The following NKAIN2 variants were observed in gnomAD, a reference collection of about 807,000 sequenced individuals.
The protein encoded by NKAIN2 is sodium/potassium transporting ATPase interacting 2.
A neutral mutation model predicts 32.6 loss-of-function variants in NKAIN2; 14 were observed. The ratio of observed to expected loss-of-function variants is 0.43; its 90% confidence interval spans 0.28 to 0.67. The LOEUF (loss-of-function observed/expected upper bound fraction) is 0.67. NKAIN2 is among the 30% of genes least tolerant of loss of function. NKAIN2 has a pLI of 0.17. For synonymous variants in NKAIN2, 80 were observed against 87.2 expected (o/e 0.92, Z 0.46); for missense variants, 198 against 258.3 (o/e 0.77, Z 1.60).
chr6:124,243,921 CTTG>C lies in NKAIN2; in HGVS notation c.55-39078_55-39076del, dbSNP rs200453417. On this transcript the variant is annotated intron_variant, in intron 1 of 6. Coordinates refer to ENST00000368417, the MANE Select transcript of NKAIN2 (RefSeq NM_001040214.3). ...AAAATATTATGAGTCTTTTGTATAT[CTTG>C]TTGTTTATAATGACAATAATTTGAG... 8.7e-3 allele frequency among the ~76,000 whole-genome samples: 1,326 copies of C among 152,028 alleles called. 17 individuals are homozygous for C. Among genetic ancestry groups the C allele is most frequent in the African/African-American group, 0.03 (1,257 of 41,486 alleles).
At chr6:124,742,740 C>G (rs1466833799) in intron 4 of NKAIN2, among the ~76,000 whole-genome samples, 1 of 151,646 alleles carries the variant, frequency 6.6e-6, no homozygotes, top group Non-Finnish European at 1.5e-5. Context: ...ACTGTGGATC[C>G]CAGGTGAGTC....
At chr6:124,393,088 A>C (rs1366817423) in intron 3 of NKAIN2, among the ~76,000 whole-genome samples, 1 of 152,160 alleles carries the variant, frequency 6.6e-6, no homozygotes, top group Non-Finnish European at 1.5e-5. Flanking sequence ...TTGTTATATA[A>C]GTAAAATCAA....
intron 3 of NKAIN2, among the ~76,000 whole-genome samples, chr6:124,573,148 A>AT (rs1449547254): frequency 6.6e-6 from 1 of 152,122 alleles, no homozygotes; most frequent in Non-Finnish European, 1.5e-5. Flanking sequence ...CCAAAAAGTT[A>AT]TTTTTGAACT....
At chr6:123,917,053 C>T (rs909969963) in intron 1 of NKAIN2, among the ~76,000 whole-genome samples, 1 of 152,116 alleles carries the variant, frequency 6.6e-6, no homozygotes, top group Non-Finnish European at 1.5e-5. Flanking sequence ...AAGATAGGCG[C>T]ACCACCATAA....
At chr6:124,005,792 G>C (rs1382502449) in intron 1 of NKAIN2, among the ~76,000 whole-genome samples, 1 of 152,146 alleles carries the variant, frequency 6.6e-6, no homozygotes. Context: ...ACAAGATTCA[G>C]AGCTGGTTTT....
intron 1 of NKAIN2, among the ~76,000 whole-genome samples, chr6:124,246,396 C>G (rs1793399739): frequency 6.6e-6 from 1 of 152,068 alleles, no homozygotes; most frequent in African/African-American, 2.4e-5. Flanking sequence ...CCCAAATCTT[C>G]TTGAAGGGGC....
At chr6:124,209,662 G>A (rs1791073625) in intron 1 of NKAIN2, among the ~76,000 whole-genome samples, 1 of 151,898 alleles carries the variant, frequency 6.6e-6, no homozygotes, top group African/African-American at 2.4e-5. Context: ...ACAATGGTAA[G>A]ATGATCTCAC....
chr6:124,497,253 A>G (rs1778096445), intron 3 of NKAIN2, among the ~76,000 whole-genome samples: 1 of 152,178 alleles, frequency 6.6e-6, no homozygotes, highest in African/African-American at 2.4e-5. Flanking sequence ...TTTTATCTAT[A>G]TTCATGCTTC....
chr6:124,788,319 C>T (rs1779593900), intron 4 of NKAIN2, among the ~76,000 whole-genome samples: 1 of 152,024 alleles, frequency 6.6e-6, no homozygotes. Context: ...TGCTTCCCAA[C>T]CCAAAATGTC....
At chr6:124,408,438 A>G (rs966047382) in intron 3 of NKAIN2, among the ~76,000 whole-genome samples, 6 of 152,180 alleles carry the variant, frequency 3.9e-5, no homozygotes, top group African/African-American at 9.7e-5. Flanking sequence ...TCCCAGCACC[A>G]TTTATTAAAT....
intron 1 of NKAIN2, among the ~76,000 whole-genome samples, chr6:124,124,662 T>C (rs1390743190): frequency 6.6e-6 from 1 of 152,144 alleles, no homozygotes; most frequent in Non-Finnish European, 1.5e-5. Context: ...TAAAAATAAA[T>C]AATTATTAGT....
chr6:124,234,076 C>T (rs1164424668), intron 1 of NKAIN2, among the ~76,000 whole-genome samples: 1 of 152,050 alleles, frequency 6.6e-6, no homozygotes, highest in African/African-American at 2.4e-5. Context: ...ATCAAGGCAC[C>T]CCAATTCTCT....
intron 1 of NKAIN2, among the ~76,000 whole-genome samples, chr6:124,009,795 GT>G (rs1780238963): frequency 1.3e-5 from 2 of 152,130 alleles, no homozygotes; most frequent in African/African-American, 4.8e-5. Flanking sequence ...ATTCCTAACG[GT>G]TTTTAGAAAG....
At chr6:124,232,183 G>T (rs545507047) in intron 1 of NKAIN2, among the ~76,000 whole-genome samples, 2 of 152,210 alleles carry the variant, frequency 1.3e-5, no homozygotes, top group South Asian at 2.1e-4. Flanking sequence ...CCTTTTCTAA[G>T]CTTTCTTGTG....
At chr6:124,252,908 G>C (rs936275304) in intron 1 of NKAIN2, among the ~76,000 whole-genome samples, 4 of 152,150 alleles carry the variant, frequency 2.6e-5, no homozygotes, top group African/African-American at 9.7e-5. Context: ...ACTTAAAACA[G>C]TGCCTGATAT....
intron 1 of NKAIN2, among the ~76,000 whole-genome samples, chr6:124,106,365 G>T (rs1228875093): frequency 6.6e-6 from 1 of 151,984 alleles, no homozygotes; most frequent in Non-Finnish European, 1.5e-5. Context: ...TGATTTTTTT[G>T]TTATTACTGT....
At chr6:124,233,495 C>A (rs538671505) in intron 1 of NKAIN2, among the ~76,000 whole-genome samples, 27 of 152,284 alleles carry the variant, frequency 1.8e-4, no homozygotes, top group Non-Finnish European at 3.1e-4. Flanking sequence ...TGCAAACCAT[C>A]TTCCCATTCC....
At chr6:123,875,315 A>T (rs1403772809) in intron 1 of NKAIN2, among the ~76,000 whole-genome samples, 1 of 151,978 alleles carries the variant, frequency 6.6e-6, no homozygotes, top group Non-Finnish European at 1.5e-5. Flanking sequence ...ATAACTTACT[A>T]TATGCATAAA....
At chr6:124,643,232 C>T (rs1784054305) in intron 3 of NKAIN2, among the ~76,000 whole-genome samples, 1 of 152,166 alleles carries the variant, frequency 6.6e-6, no homozygotes, top group Non-Finnish European at 1.5e-5. Context: ...TTCAATCTAG[C>T]CGCAGTTTAT....
Sources: allele counts gnomAD v4.1 joint callset (sites outside exome capture counted in the v4.1 genomes callset), GRCh38; gene constraint gnomAD v4.1.1; transcripts MANE v1.5; gene names NCBI Gene and HGNC (gene_info 2026-07-23, HGNC 2026-07-21).